The following PDE4D variants were observed in gnomAD, a reference collection of about 807,000 sequenced individuals.
PDE4D encodes phosphodiesterase 4D.
A neutral mutation model predicts 87.4 loss-of-function variants in PDE4D; 24 were observed. The observed-to-expected ratio is 0.27, with a 90% CI of 0.20 to 0.39. The LOEUF (loss-of-function observed/expected upper bound fraction) is 0.39, where lower values mean the gene tolerates loss of function less well. Ranked by LOEUF, PDE4D falls within the 10% of genes least tolerant of loss-of-function variation. PDE4D has a pLI of 1.00. For synonymous variants in PDE4D, 384 were observed against 383.2 expected (o/e 1.00, Z -0.02); for missense variants, 714 against 1,041.0 (o/e 0.69, Z 4.32).
At chr5:59,134,069 C>T (rs775322320) in intron 5 of PDE4D, among the ~76,000 whole-genome samples, 1 of 150,616 alleles carries the variant, frequency 6.6e-6, no homozygotes, top group Non-Finnish European at 1.5e-5. Context: ...CTCTTCTTCC[C>T]TACTGCTGTT....
intron 1 of PDE4D, among the ~76,000 whole-genome samples, chr5:59,710,239 C>T (rs1311729207): frequency 1.3e-5 from 2 of 152,216 alleles, no homozygotes; most frequent in East Asian, 1.9e-4. Context: ...GAGTTTTATA[C>T]ATGAAAGGCC....
At chr5:59,197,852 T>A (rs1168692436) in intron 2 of PDE4D, among the ~76,000 whole-genome samples, 1 of 152,192 alleles carries the variant, frequency 6.6e-6, no homozygotes, top group Non-Finnish European at 1.5e-5. Context: ...TCTGAAATCT[T>A]GCACCTGAAC....
intron 1 of PDE4D, among the ~76,000 whole-genome samples, chr5:59,466,583 T>C (rs571240950): frequency 6.6e-6 from 1 of 152,122 alleles, no homozygotes; most frequent in South Asian, 2.1e-4. Flanking sequence ...TCTGCTACTG[T>C]TTTTTTCTGT....
chr5:60,224,797 T>A (rs889108221), intron 1 of PDE4D, among the ~76,000 whole-genome samples: 5 of 152,170 alleles, frequency 3.3e-5, no homozygotes, highest in Non-Finnish European at 5.9e-5. Context: ...GGGAGAGGAA[T>A]TAGACTCTGT....
intron 1 of PDE4D, among the ~76,000 whole-genome samples, chr5:59,635,427 CA>C (rs1261678456): frequency 6.6e-6 from 1 of 152,056 alleles, no homozygotes; most frequent in Non-Finnish European, 1.5e-5. Flanking sequence ...CTGGCAGAGA[CA>C]CAACAAAAAA....
At chr5:60,317,404 G>A (rs1755730065) in intron 1 of PDE4D, among the ~76,000 whole-genome samples, 2 of 151,948 alleles carry the variant, frequency 1.3e-5, no homozygotes, top group Non-Finnish European at 2.9e-5. Flanking sequence ...CTTACTAGTG[G>A]TCTATCAATT....
At chr5:60,517,151 T>C (rs908359497) in intron 1 of PDE4D, among the ~76,000 whole-genome samples, 3 of 152,236 alleles carry the variant, frequency 2.0e-5, no homozygotes, top group African/African-American at 7.2e-5. Flanking sequence ...TGTATGCCCG[T>C]GCTCAGAGTA....
intron 6 of PDE4D, among the ~76,000 whole-genome samples, chr5:59,023,900 A>G (rs1580358441): frequency 1.4e-5 from 2 of 144,464 alleles, no homozygotes; most frequent in African/African-American, 2.5e-5. Flanking sequence ...CATGAATTCT[A>G]CTTTTTTTTT....
rs562381958 is a variant in PDE4D, at chr5:60,160,810, T to A, written c.42+24747A>T. ...CTGTCTTCCTCTCCACATCTCTTACTTTTTGTCCTAAATGTGGAAATTGAC... is the reference window on the plus strand; with the variant it reads ...CTGTCTTCCTCTCCACATCTCTTACATTTTGTCCTAAATGTGGAAATTGAC... On this transcript the variant is annotated intron_variant, in intron 2 of 16. Transcript: ENST00000502484. 1.3e-4 allele frequency: 60 copies of A among 454,114 alleles called. 3 individuals carry two copies. The highest frequency in any genetic ancestry group is 9.1e-4 in the South Asian group (58 of 64,010). 28.1% of individuals were successfully genotyped at this position (454,114 alleles called of 1,614,324 possible).
chr5:60,318,132 G>T (rs1224300075), intron 1 of PDE4D, among the ~76,000 whole-genome samples: 2 of 152,096 alleles, frequency 1.3e-5, no homozygotes, highest in African/African-American at 2.4e-5. Context: ...TCTCTTTCTA[G>T]GTCTCTAAGG....
chr5:60,508,962 T>C lies in PDE4D; in HGVS notation n.70+13089A>G, dbSNP rs191720590. Among the ~76,000 whole-genome samples the C allele has an allele frequency of 1.7e-3, 257 of 152,078 alleles. 3 individuals are homozygous for C. The highest frequency in any genetic ancestry group is 6.8e-3 in the Middle Eastern group (2 of 294). On this transcript the variant is annotated intron_variant and non_coding_transcript_variant, in intron 1 of 2. Coordinates refer to the PDE4D transcript ENST00000506510. ...TCATCCAGGCTGGAGTGCAGTGGCATGATCTCGGTTCACTGCAACCTCCGC... is the reference window on the plus strand; with the variant it reads ...TCATCCAGGCTGGAGTGCAGTGGCACGATCTCGGTTCACTGCAACCTCCGC...
rs555920135 is a variant in PDE4D, at chr5:60,071,926, G to T, written c.43-83209C>A. ...TTATTTACTCAGTTTACCATTGATAGGCATTTAGATTGATTCCATGTCTTT... is the reference window on the plus strand; with the variant it reads ...TTATTTACTCAGTTTACCATTGATATGCATTTAGATTGATTCCATGTCTTT... On this transcript the variant is annotated intron_variant, in intron 2 of 16. Transcript: ENST00000502484. Among the ~76,000 whole-genome samples, 16 of 152,128 alleles carry T rather than the reference G, an allele frequency of 1.1e-4. 1 individual carries two copies. The highest frequency in any genetic ancestry group is 3.6e-4 in the African/African-American group (15 of 41,432).
At chr5:59,664,436 T>G (rs1461741679) in intron 1 of PDE4D, among the ~76,000 whole-genome samples, 1 of 152,224 alleles carries the variant, frequency 6.6e-6, no homozygotes, top group East Asian at 1.9e-4. Flanking sequence ...AATAACAGCT[T>G]TCATATATAT....
At chr5:59,412,714 T>C (rs1388144203) in intron 1 of PDE4D, among the ~76,000 whole-genome samples, 1 of 152,166 alleles carries the variant, frequency 6.6e-6, no homozygotes, top group Non-Finnish European at 1.5e-5. Flanking sequence ...GCAGAATGAG[T>C]ATAAAGCAAA....
chr5:59,990,464 T>C lies in PDE4D; in HGVS notation c.43-1747A>G, dbSNP rs1762891991. ...GGTAAAAGGATGTGAGATGGTGGAC[T>C]CTATCCAACCTTGGGTTGTATTGTC... On this transcript the variant is annotated intron_variant, in intron 2 of 16. Transcript: ENST00000502484. 2.6e-5 allele frequency among the ~76,000 whole-genome samples: 4 copies of C among 152,148 alleles called. No homozygotes were observed. The South Asian group carries it at 6.2e-4, about 24-fold the overall frequency.
At chr5:59,483,913 G>C (rs1041877805) in intron 1 of PDE4D, among the ~76,000 whole-genome samples, 1 of 152,178 alleles carries the variant, frequency 6.6e-6, no homozygotes, top group African/African-American at 2.4e-5. Context: ...TTTTAACTAA[G>C]TGACAAACAT....
intron 1 of PDE4D, among the ~76,000 whole-genome samples, chr5:60,320,447 C>T (rs1253533660): frequency 3.3e-5 from 5 of 152,178 alleles, no homozygotes; most frequent in East Asian, 3.9e-4. Flanking sequence ...GGTGATGCCT[C>T]GCCCTGCTTT....
At chr5:59,871,858 A>G (rs1459484326) in intron 1 of PDE4D, among the ~76,000 whole-genome samples, 2 of 152,168 alleles carry the variant, frequency 1.3e-5, no homozygotes, top group African/African-American at 4.8e-5. Context: ...ATCACTGACT[A>G]CTTACTGCCC....
chr5:59,843,466 CCAAA>C (rs1045862381), intron 1 of PDE4D, among the ~76,000 whole-genome samples: 2 of 152,036 alleles, frequency 1.3e-5, no homozygotes, highest in South Asian at 2.1e-4. Flanking sequence ...CTTTCACCTC[CCAAA>C]CAATTTCTAA....
Sources: gnomAD v4.1 joint callset for allele counts (sites outside exome capture counted in the v4.1 genomes callset) on GRCh38, gnomAD v4.1.1 for gene constraint, MANE v1.5 for transcripts, NCBI Gene and HGNC (gene_info 2026-07-23, HGNC 2026-07-21) for gene names.